Variants in CLUL1 observed in about 807,000 individuals in gnomAD.
The protein encoded by CLUL1 is clusterin-like protein 1.
A neutral mutation model predicts 49.4 loss-of-function variants in CLUL1; 43 were observed. That is an observed-to-expected ratio of 0.87 (90% confidence interval 0.68 to 1.12). CLUL1 has a LOEUF of 1.12. CLUL1 is among the 50% of genes most tolerant of loss of function. The pLI is 0.00. For missense variants in CLUL1, 486 were observed against 544.4 expected (o/e 0.89, Z 1.07); for synonymous variants, 192 against 184.9 (o/e 1.04, Z -0.31).
rs935453191 is a variant in CLUL1 at position 650,175 on chromosome 18, A to G, written c.*274A>G. The stretch of plus-strand genomic sequence containing the variant: ...GTTCTTTGTATATTGAATAAATACT[A>G]AATCACCTAGGTGTCTATGTTCTAT... On this transcript the variant is annotated 3_prime_UTR_variant, in exon 10 of 10. Coordinates refer to ENST00000692774, the MANE Select transcript of CLUL1 (RefSeq NM_001393344.1). 3.8e-6 allele frequency: 1 copy of G among 260,344 alleles called. No individual in the cohort carries two copies. Among genetic ancestry groups the G allele is most frequent in the Non-Finnish European group, 7.2e-6 (1 of 139,302 alleles). 16.1% of individuals were successfully genotyped at this position (260,344 alleles called of 1,614,324 possible).
intron 5 of CLUL1, among the ~76,000 whole-genome samples, 194 bp from the exon 6 acceptor site, chr18:626,900 AAAG>A (rs2073755499): frequency 5.1e-3 from 3 of 590 alleles, no homozygotes; most frequent in Non-Finnish European, 0.25. Context: ...AGAAAGAAAG[AAAG>A]AAAGAAAGAA....
chr18:623,644 C>CAAA (rs59558949), intron 4 of CLUL1, among the ~76,000 whole-genome samples: 6 of 71,084 alleles, frequency 8.4e-5, no homozygotes, highest in African/African-American at 3.2e-4. Flanking sequence ...GACTCTGTCT[C>CAAA]AAAAAAAAAA....
intron 2 of CLUL1, among the ~76,000 whole-genome samples, chr18:614,045 G>A (rs558584578): frequency 7.9e-5 from 12 of 152,254 alleles, no homozygotes; most frequent in East Asian, 3.9e-4. Context: ...ATGAGAGGAC[G>A]ATGAGGTCCA....
At position 619,294 on chromosome 18, in the gene CLUL1, T is replaced by C. The variant is rs2073411941; in HGVS notation, c.188T>C (p.Met63Thr). Reference protein sequence around the residue: ...LTGIKQMKIMMERKEKEHTNL... With the variant: ...LTGIKQMKIMTERKEKEHTNL... The stretch of plus-strand genomic sequence containing the variant: ...GGTATTAAGCAAATGAAAATCATGA[T>C]GGAAAGAAAAGAGAAGGAACACACC... Residue 63 changes from methionine to threonine, a missense_variant, in exon 4 of 10, where the codon ATG (methionine) becomes ACG (threonine). Coordinates refer to ENST00000692774, the MANE Select transcript of CLUL1 (RefSeq NM_001393344.1). 2 of 1,613,814 alleles carry C rather than the reference T, an allele frequency of 1.2e-6. No homozygotes were observed. Among genetic ancestry groups the C allele is most frequent in the Non-Finnish European group, 8.5e-7 (1 of 1,179,902 alleles).
Position 649,917 on chromosome 18 carries a change from C to A in CLUL1, c.*16C>A. On this transcript the variant is annotated 3_prime_UTR_variant, in exon 10 of 10. Coordinates refer to ENST00000692774, the MANE Select transcript of CLUL1 (RefSeq NM_001393344.1). ...TTTAAGGTAAGAAGATCTAATGCATCCTATATCCAGTAAGTAGAATTATCT... is the reference window on the plus strand; with the variant it reads ...TTTAAGGTAAGAAGATCTAATGCATACTATATCCAGTAAGTAGAATTATCT... The A allele has an allele frequency of 7.3e-7, 1 of 1,371,396 alleles. No individual in the cohort carries two copies. Among genetic ancestry groups the A allele is most frequent in the Non-Finnish European group, 1.0e-6 (1 of 978,392 alleles). 85.0% of individuals were successfully genotyped at this position (1,371,396 alleles called of 1,614,324 possible).
chr18:616,156 GGGC>G (rs1220728123), intron 2 of CLUL1, among the ~76,000 whole-genome samples: 1 of 152,140 alleles, frequency 6.6e-6, no homozygotes, highest in Non-Finnish European at 1.5e-5. Flanking sequence ...GAATCATTAA[GGGC>G]TACATTTTCA....
intron 2 of CLUL1, among the ~76,000 whole-genome samples, chr18:617,408 C>T (rs186924175): frequency 2.0e-5 from 3 of 152,022 alleles, no homozygotes; most frequent in East Asian, 3.9e-4. Flanking sequence ...CAGCCTGACC[C>T]ACATGGAGAA....
intron 7 of CLUL1, among the ~76,000 whole-genome samples, chr18:641,025 T>C (rs2074329446): frequency 1.3e-5 from 2 of 152,198 alleles, no homozygotes; most frequent in Non-Finnish European, 2.9e-5. Flanking sequence ...TAGTAGGGAC[T>C]TCATCTGTTT....
At chr18:610,570 G>C (rs1567956869) in intron 2 of CLUL1, among the ~76,000 whole-genome samples, 1 of 152,314 alleles carries the variant, frequency 6.6e-6, no homozygotes, top group East Asian at 1.9e-4. Flanking sequence ...TTCATCGAAA[G>C]AGAGTTTCAG....
intron 2 of CLUL1, among the ~76,000 whole-genome samples, chr18:609,605 T>G (rs2073073682): frequency 6.6e-6 from 1 of 151,954 alleles, no homozygotes; most frequent in Non-Finnish European, 1.5e-5. Flanking sequence ...AGGTGGGTCA[T>G]TTGAGGTCAG....
At chr18:628,926 C>G (rs1039013786) in intron 6 of CLUL1, among the ~76,000 whole-genome samples, 1 of 148,140 alleles carries the variant, frequency 6.8e-6, no homozygotes, top group Non-Finnish European at 1.5e-5. Context: ...AGCCACCACA[C>G]CCAGCCAGCC....
intron 2 of CLUL1, among the ~76,000 whole-genome samples, chr18:611,218 A>C (rs991615408): frequency 7.2e-6 from 1 of 138,358 alleles, no homozygotes; most frequent in Non-Finnish European, 1.5e-5. Context: ...CACCTACAAG[A>C]TAACCCACCC....
chr18:639,207 A>ACC (rs1186357089), intron 7 of CLUL1, among the ~76,000 whole-genome samples: 1 of 148,072 alleles, frequency 6.8e-6, no homozygotes, highest in Non-Finnish European at 1.5e-5. Flanking sequence ...CAGGCGGATC[A>ACC]CGAGGTCAGG....
Position 624,929 on chromosome 18 carries a change from A to G in CLUL1, c.320A>G (p.Glu107Gly). The G allele has an allele frequency of 1.2e-6, 2 of 1,614,154 alleles. No individual in the cohort carries two copies. Among genetic ancestry groups the G allele is most frequent in the Non-Finnish European group, 1.7e-6 (2 of 1,179,994 alleles). The change falls in exon 5 of 10, where the codon GAG becomes GGG. Residue 107 changes from glutamate to glycine, a missense_variant. By Grantham distance (98) the Glu-to-Gly change is moderately conservative (BLOSUM62 -2). Coordinates refer to ENST00000692774, the MANE Select transcript of CLUL1 (RefSeq NM_001393344.1). ...HLEEEERLCR[E>G]SLADSWGECR... ...GAGGAAGAAGAAAGGCTATGCCGGG[A>G]GTCTTTGGCAGATTCCTGGGGTGAA...
chr18:619,006 C>T (rs1023384718), intron 3 of CLUL1, among the ~76,000 whole-genome samples: 3 of 152,064 alleles, frequency 2.0e-5, no homozygotes, highest in East Asian at 1.9e-4. Flanking sequence ...TTTGTTTAGG[C>T]GCTCACAAGT....
At position 633,494 on chromosome 18, in the gene CLUL1, T is replaced by TAG. The variant is rs1010428687; in HGVS notation, c.994+60_994+61insGA. 4.1e-6 allele frequency: 6 copies of TAG among 1,479,414 alleles called. No homozygotes were observed. The African/African-American group carries it at 8.4e-5, about 21-fold the overall frequency. The allele number at this position is 1,479,414 out of a possible 1,614,324, so 91.6% of individuals were successfully genotyped here. ...TTAAGTTCTCAGGTACATTTTGTTA[T>TAG]AAAGTTTCGGTGCCACAAAAGAAAT... On this transcript the variant is annotated intron_variant, in intron 7 of 9. Coordinates refer to ENST00000692774, the MANE Select transcript of CLUL1 (RefSeq NM_001393344.1).
chr18:619,326 ATGAGCAC>A lies in CLUL1; in HGVS notation c.221_227del (p.Met74ThrfsTer2). On this transcript the variant is annotated frameshift_variant, in exon 4 of 10. Coordinates refer to ENST00000692774, the MANE Select transcript of CLUL1 (RefSeq NM_001393344.1). LOFTEE classifies it high-confidence loss of function. ...AAAAGAGAAGGAACACACCAATCTAATGAGCACCCTGAAGAAATGCAGAGAAGAAAAG... is the reference window on the plus strand; with the variant it reads ...AAAAGAGAAGGAACACACCAATCTAACCTGAAGAAATGCAGAGAAGAAAAG... 6.2e-7 allele frequency: 1 copy of A among 1,613,790 alleles called. No individual in the cohort carries two copies. Among genetic ancestry groups the A allele is most frequent in the South Asian group, 1.1e-5 (1 of 90,974 alleles).
At chr18:623,225 G>C (rs922290868) in intron 4 of CLUL1, among the ~76,000 whole-genome samples, 1 of 152,058 alleles carries the variant, frequency 6.6e-6, no homozygotes, top group Admixed American at 6.6e-5. Flanking sequence ...CAGAGACAGG[G>C]TTTTACTATG....
chr18:633,705 C>A (rs2074053102), intron 7 of CLUL1, among the ~76,000 whole-genome samples: 1 of 151,970 alleles, frequency 6.6e-6, no homozygotes, highest in African/African-American at 2.4e-5. Flanking sequence ...AGGGTTAGAC[C>A]GCACAGGCTA....
Sources: gnomAD v4.1 joint callset for allele counts (sites outside exome capture counted in the v4.1 genomes callset) on GRCh38, gnomAD v4.1.1 for gene constraint, MANE v1.5 for transcripts, NCBI Gene and HGNC (gene_info 2026-07-23, HGNC 2026-07-21) for gene names.